The following SHOX2 variants were observed in gnomAD, a reference collection of about 807,000 sequenced individuals.
The protein encoded by SHOX2 is SHOX homeobox 2.
A neutral mutation model predicts 31.3 loss-of-function variants in SHOX2; 13 were observed. That is an observed-to-expected ratio of 0.42 (90% confidence interval 0.27 to 0.66). The LOEUF (loss-of-function observed/expected upper bound fraction) is 0.66. Among genes scored for constraint, SHOX2 ranks in the 30% least tolerant of loss-of-function variants. The pLI is 0.27. For missense variants in SHOX2, 473 were observed against 443.0 expected (o/e 1.07, Z -0.61); for synonymous variants, 244 against 196.2 (o/e 1.24, Z -2.04).
chr3:158,102,960 G>A, intron 1 of SHOX2, 74 bp from the exon 2 acceptor site: 2 of 1,291,980 alleles, frequency 1.5e-6, no homozygotes, highest in Non-Finnish European at 2.2e-6. Context: ...ACACACGGAC[G>A]AAAACAGCAC....
In SHOX2 at chr3:158,105,680, C is replaced by A; in HGVS notation, c.345G>T (p.Glu115Asp). 6.6e-7 allele frequency: 1 copy of A among 1,523,836 alleles called. No individual in the cohort carries two copies. The highest frequency in any genetic ancestry group is 1.2e-5 in the South Asian group (1 of 82,858). 94.4% of individuals were successfully genotyped at this position (1,523,836 alleles called of 1,614,324 possible). A position where few individuals can be genotyped will look rare whatever the true frequency, so the allele number is the denominator to read the frequency against. The change falls in exon 1 of 5, where the codon GAG becomes GAT. Residue 115 changes from glutamate (E) to aspartate (D), a missense_variant and splice_region_variant. Around this residue, in one of 3 missense-constraint regions of SHOX2, gnomAD observed 276 missense variants for 230.0 expected, o/e 1.20. Transcript: ENST00000483851. ...GCCGGGGGTCAGTCAGGTCGTTACC[C>A]TCCGTCAGTCGCGGGCTGCCCGGCT... ...SREPGSPRLT[E>D]VSPELKDRKE...
Position 158,098,976 on chromosome 3 carries a change from CTT to C in SHOX2, c.703-694_703-693del, listed in dbSNP as rs554686092. 9.3e-3 allele frequency among the ~76,000 whole-genome samples: 1,417 copies of C among 152,306 alleles called. 12 individuals carry two copies. The highest frequency in any genetic ancestry group is 0.016 in the Non-Finnish European group (1,056 of 68,026). ...CTCCCTCTTTCTTCAGTCATTCTCTCTTGTTTCCAAAGCCAAGCATCAGGATG... is the reference window on the plus strand; with the variant it reads ...CTCCCTCTTTCTTCAGTCATTCTCTCGTTTCCAAAGCCAAGCATCAGGATG... On this transcript the variant is annotated intron_variant, in intron 4 of 4. Coordinates refer to ENST00000483851, the MANE Select transcript of SHOX2 (RefSeq NM_001163678.2).
At position 158,105,107 on chromosome 3, in the gene SHOX2, AGCTTTCGTTG is replaced by A. The variant is rs1197418843; in HGVS notation, c.346+562_346+571del. ...GGAGAAGCAGCGTAGCCTGGACCTC[AGCTTTCGTTG>A]GCTTCCTTCTACCTTGAAAGAGAAT... On this transcript the variant is annotated intron_variant, in intron 1 of 4. Coordinates refer to ENST00000483851, the MANE Select transcript of SHOX2 (RefSeq NM_001163678.2). The A allele has an allele frequency of 2.8e-5, 40 of 1,447,136 alleles. No individual in the cohort carries two copies. In the East Asian group the frequency reaches 1.3e-3, roughly 46 times the overall value. 89.6% of individuals were successfully genotyped at this position (1,447,136 alleles called of 1,614,324 possible).
rs1203567408 is a variant in SHOX2, at chr3:158,096,789, C to T, written c.*1238G>A. On this transcript the variant is annotated 3_prime_UTR_variant, in exon 5 of 5. Transcript: ENST00000483851. ...GGTGGTCTTGTTTTCTTTTTCCTTT[C>T]CCCACATATTCTGCCCACCTCTGTC... 1 of 150,882 alleles carries T rather than the reference C, an allele frequency of 6.6e-6. No individual in the cohort carries two copies. The highest frequency in any genetic ancestry group is 6.6e-5 in the Admixed American group (1 of 15,156). The allele number at this position is 150,882 out of a possible 1,614,324, so 9.3% of individuals were successfully genotyped here.
Position 158,102,848 on chromosome 3 carries a change from C to G in SHOX2, c.385G>C (p.Gly129Arg), listed in dbSNP as rs1051955683. 1.9e-6 allele frequency: 3 copies of G among 1,613,956 alleles called. No individual in the cohort carries two copies. Among genetic ancestry groups the G allele is most frequent in the Non-Finnish European group, 1.7e-6 (2 of 1,180,038 alleles). ...TTGGTCTGGCCTTCGTCCTCCATCCCTTTCGCATCCTCTTTGCGATCTTTC... is the reference window on the plus strand; with the variant it reads ...TTGGTCTGGCCTTCGTCCTCCATCCGTTTCGCATCCTCTTTGCGATCTTTC... ...ELKDRKEDAK[G>R]MEDEGQTKIK... Residue 129 changes from glycine (G) to arginine (R), a missense_variant, in exon 2 of 5, where the codon GGG (glycine) becomes CGG (arginine). Gly to Arg is a moderately radical substitution (Grantham distance 125). Transcript: ENST00000483851.
In SHOX2 at chr3:158,105,731, G is replaced by A. The variant is rs900487571; in HGVS notation, c.294C>T (p.Asp98=). Residue 98 remains aspartate, a synonymous_variant, in exon 1 of 5, where the codon GAC becomes GAT. Coordinates refer to ENST00000483851, the MANE Select transcript of SHOX2 (RefSeq NM_001163678.2). Reference sequence around the variant, plus strand: ...CCCTGCTTCTCTCGGCGGCGCCCATGTCCAGCTCCCGGACGGGAGAGCGCC... The same window carrying A: ...CCCTGCTTCTCTCGGCGGCGCCCATATCCAGCTCCCGGACGGGAGAGCGCC... ...GGGRSPVREL[D]MGAAERSREP... is the part of the protein sequence containing the mutation. 1.1e-5 allele frequency: 17 copies of A among 1,525,378 alleles called. No homozygotes were observed. The African/African-American group carries it at 2.4e-4, about 22-fold the overall frequency. 94.5% of individuals were successfully genotyped at this position (1,525,378 alleles called of 1,614,324 possible).
At chr3:158,100,122 A>T (rs1284436346) in intron 3 of SHOX2, 132 bp downstream of exon 3, 2 of 934,534 alleles carry the variant, frequency 2.1e-6, no homozygotes, top group Admixed American at 5.3e-5. Context: ...CTCCATTAAC[A>T]GCCTTTGAAG....
chr3:158,096,288 T>TA lies in SHOX2; in HGVS notation c.*1738dup, dbSNP rs1553753125. The TA allele has an allele frequency of 2.6e-5, 4 of 151,014 alleles. No homozygotes were observed. The East Asian group carries it at 7.8e-4, about 29-fold the overall frequency. 9.4% of individuals were successfully genotyped at this position (151,014 alleles called of 1,614,324 possible). On this transcript the variant is annotated 3_prime_UTR_variant, in exon 5 of 5. Transcript: ENST00000483851. ...TTCCTCTTTCTTGTAAATTAGAAGG[T>TA]AAAACAAAAACAAAAACAAAACCCC...
chr3:158,104,955 G>GCTCT (rs1713769422), intron 1 of SHOX2: 1 of 723,288 alleles, frequency 1.4e-6, no homozygotes, highest in East Asian at 2.7e-5. Flanking sequence ...AAGGATTTTT[G>GCTCT]CTCTAAGAGA....
Position 158,096,139 on chromosome 3 carries a change from A to G in SHOX2, c.*1888T>C, listed in dbSNP as rs1038124456. 1 of 152,698 alleles carries G rather than the reference A, an allele frequency of 6.5e-6. No individual in the cohort carries two copies. Among genetic ancestry groups the G allele is most frequent in the African/African-American group, 2.4e-5 (1 of 41,476 alleles). 9.5% of individuals were successfully genotyped at this position (152,698 alleles called of 1,614,324 possible). ...TACTGACAACACGTCATGAGATAAC[A>G]TCTTTTGTTTAAAATAACTTAATAC... On this transcript the variant is annotated 3_prime_UTR_variant, in exon 5 of 5. Coordinates refer to ENST00000483851, the MANE Select transcript of SHOX2 (RefSeq NM_001163678.2).
At position 158,100,330 on chromosome 3, in the gene SHOX2, A is replaced by G; in HGVS notation, c.556-19T>C. 1 of 1,570,486 alleles carries G rather than the reference A, an allele frequency of 6.4e-7. No individual in the cohort carries two copies. Among genetic ancestry groups the G allele is most frequent in the Non-Finnish European group, 8.6e-7 (1 of 1,165,490 alleles). ...ACCAAACCTATAGGTTGGAGGGGGAAAAAAAATAAAACCTAGATGTTATGA... is the reference window on the plus strand; with the variant it reads ...ACCAAACCTATAGGTTGGAGGGGGAGAAAAAATAAAACCTAGATGTTATGA... On this transcript the variant is annotated intron_variant, in intron 2 of 4. Transcript: ENST00000483851.
Position 158,106,044 on chromosome 3 carries a change from G to A in SHOX2, c.-20C>T. ...TTCCATCGCCGCCGCACGTCAGCCC[G>A]GCGCTCAACCTCTGCCAGCAGAGCC... On this transcript the variant is annotated 5_prime_UTR_variant, in exon 1 of 5. Coordinates refer to ENST00000483851, the MANE Select transcript of SHOX2 (RefSeq NM_001163678.2). 1.2e-6 allele frequency: 2 copies of A among 1,611,814 alleles called. No individual in the cohort carries two copies. Among genetic ancestry groups the A allele is most frequent in the Non-Finnish European group, 1.7e-6 (2 of 1,178,946 alleles).
chr3:158,099,801 C>A, intron 4 of SHOX2, 59 bp downstream of exon 4: 1 of 1,265,080 alleles, frequency 7.9e-7, no homozygotes, highest in South Asian at 1.2e-5. Context: ...TTCAACAGTT[C>A]AAGCAAACAT....
rs368179422 is a variant in SHOX2, at chr3:158,102,879, C to G, written c.354G>C (p.Pro118=). 6 of 1,613,876 alleles carry G rather than the reference C, an allele frequency of 3.7e-6. No homozygotes were observed. The highest frequency in any genetic ancestry group is 5.1e-6 in the Non-Finnish European group (6 of 1,179,996). Residue 118 remains proline (P), a synonymous_variant, in exon 2 of 5, where the codon CCG becomes CCC. Transcript: ENST00000483851. ...PGSPRLTEVS[P]ELKDRKEDAK... is the part of the protein sequence containing the mutation. ...CATCCTCTTTGCGATCTTTCAGCTC[C>G]GGGGACACTGGAGGGGGCACCCCAG...
In SHOX2 at chr3:158,105,839, G is replaced by A. The variant is rs1448153033; in HGVS notation, c.186C>T (p.Gly62=). 3 of 1,432,846 alleles carry A rather than the reference G, an allele frequency of 2.1e-6. No individual in the cohort carries two copies. Among genetic ancestry groups the A allele is most frequent in the Non-Finnish European group, 9.1e-7 (1 of 1,097,590 alleles). 88.8% of individuals were successfully genotyped at this position (1,432,846 alleles called of 1,614,324 possible). ...SSPAVRAAGG[G]GGGGGGGGGG... is the part of the protein sequence containing the mutation. ...CGCCGCCTCCGCCTCCTCCGCCGCC[G>A]CCTCCGCCGGCCGCCCGGACTGCCG... Residue 62 remains glycine, a synonymous_variant, in exon 1 of 5, where the codon GGC becomes GGT. Transcript: ENST00000483851.
rs766546875 is a variant in SHOX2, at chr3:158,098,008, A to T, written c.*19T>A. 1 of 1,572,510 alleles carries T rather than the reference A, an allele frequency of 6.4e-7. No individual in the cohort carries two copies. The highest frequency in any genetic ancestry group is 1.3e-5 in the African/African-American group (1 of 74,186). ...CTGAGTGCCGCGGGACAGGCGCGACATTGGTGCTGGCGTTGGCGTCACAGA... is the reference window on the plus strand; with the variant it reads ...CTGAGTGCCGCGGGACAGGCGCGACTTTGGTGCTGGCGTTGGCGTCACAGA... On this transcript the variant is annotated 3_prime_UTR_variant, in exon 5 of 5. Transcript: ENST00000483851.
intron 1 of SHOX2, chr3:158,105,187 G>C: frequency 9.3e-7 from 1 of 1,079,208 alleles, no homozygotes; most frequent in South Asian, 1.3e-5. Flanking sequence ...GGGCTCTGCG[G>C]AGTTCGAGGG....
At chr3:158,102,561 C>G in intron 2 of SHOX2, 117 bp downstream of exon 2, 1 of 782,748 alleles carries the variant, frequency 1.3e-6, no homozygotes, top group Non-Finnish European at 2.1e-6. Context: ...TATCTCTTTC[C>G]TTCTCATCTT....
At chr3:158,100,399 C>T (rs549724891) in intron 2 of SHOX2, 88 bp from the exon 3 acceptor site, 206 of 961,288 alleles carry the variant, frequency 2.1e-4, no homozygotes, top group Non-Finnish European at 2.9e-4. Context: ...AGAAAAGAGT[C>T]GTGGTTTAGA....
Sources: gnomAD v4.1 joint callset for allele counts (sites outside exome capture counted in the v4.1 genomes callset) on GRCh38, gnomAD v4.1.1 for gene constraint, gnomAD v4.1.1 regional missense constraint, MANE v1.5 for transcripts, NCBI Gene and HGNC (gene_info 2026-07-23, HGNC 2026-07-21) for gene names.